The following EPHA3 variants were observed in gnomAD, a reference collection of about 807,000 sequenced individuals.
EPHA3 encodes EPH receptor A3.
In EPHA3, 42 loss-of-function variants were observed where a neutral mutation model predicts 107.1. The ratio of observed to expected loss-of-function variants is 0.39; its 90% confidence interval spans 0.31 to 0.51. The LOEUF (loss-of-function observed/expected upper bound fraction) is 0.51, where lower values mean the gene tolerates loss of function less well. EPHA3 is among the 20% of genes least tolerant of loss of function. EPHA3 has a pLI of 0.78. For missense variants in EPHA3, 1,183 were observed against 1,211.2 expected (o/e 0.98, Z 0.35); for synonymous variants, 461 against 424.8 (o/e 1.09, Z -1.05).
At chr3:89,423,829 T>G (rs1001415851) in intron 11 of EPHA3, among the ~76,000 whole-genome samples, 1 of 151,436 alleles carries the variant, frequency 6.6e-6, no homozygotes, top group Non-Finnish European at 1.5e-5. Flanking sequence ...ATGTATAGGA[T>G]GGTTTTCTGA....
At chr3:89,213,711 A>C (rs180836717) in intron 3 of EPHA3, among the ~76,000 whole-genome samples, 310 of 152,148 alleles carry the variant, frequency 2.0e-3, no homozygotes, top group Non-Finnish European at 2.5e-3. Context: ...GTAATAAAGC[A>C]ACCGTCTAAA....
chr3:89,219,710 G>GTTTTTTTTTTTTTT (rs1559606421), intron 3 of EPHA3, among the ~76,000 whole-genome samples: 1 of 25,928 alleles, frequency 3.9e-5, no homozygotes, highest in African/African-American at 1.3e-4. Context: ...TTTGTTTTTT[G>GTTTTTTTTTTTTTT]TTTTTTTTTT....
At chr3:89,407,412 C>A in intron 8 of EPHA3, 41 bp downstream of exon 8, 1 of 1,500,840 alleles carries the variant, frequency 6.7e-7, no homozygotes, top group South Asian at 1.1e-5. Context: ...TTCTTTGTTG[C>A]TTTGTTTGCT....
chr3:89,258,590 G>A (rs1705341561), intron 3 of EPHA3, among the ~76,000 whole-genome samples: 1 of 152,130 alleles, frequency 6.6e-6, no homozygotes, highest in African/African-American at 2.4e-5. Flanking sequence ...CAAGTAAAGT[G>A]CCAGTATTTG....
At chr3:89,352,902 C>CAAAAAAAAAAAAAAAAAAAAAAAAAA (rs1215369952) in intron 5 of EPHA3, among the ~76,000 whole-genome samples, 1 of 41,028 alleles carries the variant, frequency 2.4e-5, no homozygotes, top group African/African-American at 9.8e-5. Context: ...GACTCTGTCT[C>CAAAAAAAAAAAAAAAAAAAAAAAAAA]AAAAAAAAAA....
intron 9 of EPHA3, among the ~76,000 whole-genome samples, chr3:89,408,841 A>G (rs1709104496): frequency 6.6e-6 from 1 of 152,106 alleles, no homozygotes; most frequent in Non-Finnish European, 1.5e-5. Flanking sequence ...GGAAATTAGT[A>G]CAAAGACTGT....
intron 2 of EPHA3, among the ~76,000 whole-genome samples, chr3:89,131,464 A>G (rs1287384829): frequency 6.6e-6 from 1 of 152,204 alleles, no homozygotes; most frequent in Non-Finnish European, 1.5e-5. Context: ...TGATTGATTG[A>G]CTGATTGATA....
At chr3:89,310,555 C>T (rs1706740837) in intron 3 of EPHA3, among the ~76,000 whole-genome samples, 1 of 151,758 alleles carries the variant, frequency 6.6e-6, no homozygotes, top group Non-Finnish European at 1.5e-5. Flanking sequence ...GGTCTTACAT[C>T]CTCCAAATAC....
chr3:89,418,142 A>G (rs1332031394), intron 10 of EPHA3, among the ~76,000 whole-genome samples: 1 of 151,530 alleles, frequency 6.6e-6, no homozygotes, highest in Non-Finnish European at 1.5e-5. Flanking sequence ...AAATTGGACC[A>G]AGATTATGAT....
rs370030556 is a variant in EPHA3, at chr3:89,467,568, C to A, written c.2691-4896C>A. Among the ~76,000 whole-genome samples the A allele has an allele frequency of 9.2e-5, 14 of 151,988 alleles. No individual in the cohort carries two copies. In the East Asian group the frequency reaches 2.3e-3, roughly 25 times the overall value. ...GGTAGCATTGAAATAAGATTATTAC[C>A]CGAAGATATTCCTGGGATTGGCAGT... is the stretch of plus-strand genomic sequence containing the variant. On this transcript the variant is annotated intron_variant, in intron 15 of 16. Transcript: ENST00000336596.
At chr3:89,351,387 C>A (rs1367572125) in intron 5 of EPHA3, among the ~76,000 whole-genome samples, 1 of 149,612 alleles carries the variant, frequency 6.7e-6, no homozygotes, top group Non-Finnish European at 1.5e-5. Context: ...TTTCCAGGTG[C>A]GTCCGTCACC....
intron 3 of EPHA3, among the ~76,000 whole-genome samples, chr3:89,329,032 T>C (rs1707233662): frequency 6.6e-6 from 1 of 152,134 alleles, no homozygotes; most frequent in Non-Finnish European, 1.5e-5. Flanking sequence ...CCCTCACCTT[T>C]TTAGGTCTCA....
chr3:89,340,110 C>A (rs1265769144), intron 3 of EPHA3, among the ~76,000 whole-genome samples: 1 of 152,142 alleles, frequency 6.6e-6, no homozygotes, highest in Non-Finnish European at 1.5e-5. Context: ...TAAAACAGTA[C>A]ATAGATGCTG....
chr3:89,234,280 T>G (rs1704700630), intron 3 of EPHA3, among the ~76,000 whole-genome samples: 1 of 152,172 alleles, frequency 6.6e-6, no homozygotes, highest in Admixed American at 6.5e-5. Context: ...AAAGGAGAAC[T>G]TACTGTTTAC....
Position 89,479,509 on chromosome 3 carries a change from G to C in EPHA3, c.*7G>C, listed in dbSNP as rs768332996. 6.2e-7 allele frequency: 1 copy of C among 1,606,554 alleles called. No homozygotes were observed. Among genetic ancestry groups the C allele is most frequent in the Non-Finnish European group, 8.5e-7 (1 of 1,173,232 alleles). Reference sequence around the variant, plus strand: ...TGGCCCAGTTCCCGTGTAAAGCACGGGACGGAAGTGCTTCTGGACGGAAGT... The same window carrying C: ...TGGCCCAGTTCCCGTGTAAAGCACGCGACGGAAGTGCTTCTGGACGGAAGT... On this transcript the variant is annotated 3_prime_UTR_variant, in exon 17 of 17. Transcript: ENST00000336596.
intron 3 of EPHA3, among the ~76,000 whole-genome samples, chr3:89,223,118 GTT>G (rs1704419328): frequency 6.6e-6 from 1 of 152,080 alleles, no homozygotes; most frequent in Non-Finnish European, 1.5e-5. Context: ...GGCTTTCATT[GTT>G]TATACTTGTT....
chr3:89,151,146 A>T (rs1398847185), intron 2 of EPHA3, among the ~76,000 whole-genome samples: 1 of 152,120 alleles, frequency 6.6e-6, no homozygotes, highest in African/African-American at 2.4e-5. Context: ...AAAGCAGCAG[A>T]GGTATATCTA....
chr3:89,184,954 T>C (rs530897979), intron 2 of EPHA3, among the ~76,000 whole-genome samples: 43 of 152,208 alleles, frequency 2.8e-4, no homozygotes, highest in African/African-American at 1.0e-3. Flanking sequence ...AGCATGTTTT[T>C]AATTTGCATT....
intron 5 of EPHA3, among the ~76,000 whole-genome samples, chr3:89,389,409 TC>T (rs1375328177): frequency 6.6e-5 from 10 of 152,180 alleles, no homozygotes; most frequent in Non-Finnish European, 1.0e-4. Flanking sequence ...GCATATATTT[TC>T]CCATGGAGAC....
Sources: gnomAD v4.1 joint callset for allele counts (sites outside exome capture counted in the v4.1 genomes callset) on GRCh38, gnomAD v4.1.1 for gene constraint, MANE v1.5 for transcripts, NCBI Gene and HGNC (gene_info 2026-07-23, HGNC 2026-07-21) for gene names.